CACHD1: variants seen among roughly 807,000 people sequenced by gnomAD.
The protein encoded by CACHD1 is cache domain containing 1.
Under a neutral mutation model 138.7 loss-of-function variants are expected in CACHD1, and 71 were observed. The ratio of observed to expected loss-of-function variants is 0.51; its 90% CI spans 0.42 to 0.62. The LOEUF (loss-of-function observed/expected upper bound fraction) is 0.62. Ranked by LOEUF, CACHD1 falls within the 20% of genes least tolerant of loss-of-function variation. The pLI is 0.00. For missense variants in CACHD1, 1,389 were observed against 1,625.3 expected, an observed-to-expected ratio of 0.85 and a Z score of 2.50; for synonymous variants, 578 against 591.5, an observed-to-expected ratio of 0.98 and a Z score of 0.33.
chr1:64,689,002 C>G (rs1650455452), intron 26 of CACHD1, among the ~76,000 whole-genome samples: 1 of 152,104 alleles, frequency 6.6e-6, no homozygotes, highest in Admixed American at 6.5e-5. Context: ...TGGGTGTTTC[C>G]CCTTCTTGCC....
At chr1:64,509,826 T>C (rs1646405627) in intron 1 of CACHD1, among the ~76,000 whole-genome samples, 1 of 152,204 alleles carries the variant, frequency 6.6e-6, no homozygotes, top group South Asian at 2.1e-4. Context: ...GCAGAGACAA[T>C]GATTCTCAAA....
chr1:64,605,429 A>G (rs1297500401), intron 4 of CACHD1, among the ~76,000 whole-genome samples: 2 of 152,228 alleles, frequency 1.3e-5, no homozygotes, highest in Non-Finnish European at 2.9e-5. Flanking sequence ...TCTTAAATTA[A>G]GCATTTGCTG....
intron 1 of CACHD1, among the ~76,000 whole-genome samples, chr1:64,516,811 C>A (rs1646462928): frequency 6.6e-6 from 1 of 152,208 alleles, no homozygotes. Flanking sequence ...AGACTTGTCT[C>A]TGAATTTGCT....
chr1:64,500,737 AGAG>A lies in CACHD1; in HGVS notation c.198+29796_198+29798del, dbSNP rs1646334279. The stretch of plus-strand genomic sequence containing the variant: ...TCTCTTAAAAAAAAAAAAAAAAAAG[AGAG>A]AGAGAGAGAGAGAGAGAGAGAGAGA... On this transcript the variant is annotated intron_variant, in intron 1 of 26. Transcript: ENST00000651257. Among the ~76,000 whole-genome samples the A allele has an allele frequency of 9.8e-4, 8 of 8,170 alleles. No individual in the cohort carries two copies. In the South Asian group the frequency reaches 0.018, roughly 18 times the overall value. 5.4% of individuals were successfully genotyped at this position (8,170 alleles called of 152,430 possible). A position where few individuals can be genotyped will look rare whatever the true frequency, so the allele number is the denominator to read the frequency against.
chr1:64,680,445 G>A (rs969063159), intron 24 of CACHD1, among the ~76,000 whole-genome samples: 2 of 151,696 alleles, frequency 1.3e-5, no homozygotes, highest in African/African-American at 4.8e-5. Flanking sequence ...CCAAGATCGC[G>A]CCATTGCATT....
At chr1:64,542,104 G>A (rs778930530) in intron 1 of CACHD1, among the ~76,000 whole-genome samples, 8 of 152,050 alleles carry the variant, frequency 5.3e-5, no homozygotes, top group East Asian at 1.9e-4. Context: ...TTTTTAGTGC[G>A]CTCTATATGA....
intron 5 of CACHD1, 149 bp downstream of exon 5, chr1:64,629,630 A>G (rs1648232133): frequency 9.9e-7 from 1 of 1,005,126 alleles, no homozygotes; most frequent in Middle Eastern, 3.2e-4. Flanking sequence ...ACCATTTAGT[A>G]TATGTGGATG....
chr1:64,522,719 GA>G (rs1362485478), intron 1 of CACHD1, among the ~76,000 whole-genome samples: 1 of 151,934 alleles, frequency 6.6e-6, no homozygotes, highest in African/African-American at 2.4e-5. Context: ...TTTTTCAAAA[GA>G]AACTTAAAAA....
intron 4 of CACHD1, among the ~76,000 whole-genome samples, chr1:64,611,255 G>A (rs1312896235): frequency 6.6e-6 from 1 of 152,194 alleles, no homozygotes; most frequent in African/African-American, 2.4e-5. Flanking sequence ...TCATTGTCTT[G>A]GCTGTTAACA....
chr1:64,488,873 G>T (rs937368389), intron 1 of CACHD1, among the ~76,000 whole-genome samples: 1 of 152,144 alleles, frequency 6.6e-6, no homozygotes, highest in African/African-American at 2.4e-5. Flanking sequence ...TACTAGCCAG[G>T]TACTCTGGTA....
intron 1 of CACHD1, among the ~76,000 whole-genome samples, chr1:64,495,730 T>C (rs914704117): frequency 2.0e-5 from 3 of 152,110 alleles, no homozygotes; most frequent in African/African-American, 7.2e-5. Flanking sequence ...TGAGTTGCTG[T>C]AATGAGTTTT....
Position 64,530,820 on chromosome 1 carries a change from G to T in CACHD1, c.199-19774G>T, listed in dbSNP as rs370098160. Among the ~76,000 whole-genome samples the T allele has an allele frequency of 2.0e-4, 30 of 150,732 alleles. 1 individual carries two copies. The East Asian group carries it at 4.7e-3, about 23-fold the overall frequency. On this transcript the variant is annotated intron_variant, in intron 1 of 26. Transcript: ENST00000651257. ...CAGGAGGTGGAGGTTGCAGTGAGCC[G>T]AGATGGCACCACTGCACTCCAGCCT...
intron 4 of CACHD1, among the ~76,000 whole-genome samples, chr1:64,608,599 T>A (rs767150924): frequency 1.7e-4 from 26 of 152,198 alleles, no homozygotes; most frequent in Non-Finnish European, 3.1e-4. Context: ...TGTGTATTCT[T>A]TTTCTTAAAA....
At chr1:64,603,358 C>T (rs1261735425) in intron 4 of CACHD1, among the ~76,000 whole-genome samples, 5 of 151,988 alleles carry the variant, frequency 3.3e-5, no homozygotes, top group Non-Finnish European at 7.4e-5. Flanking sequence ...CTGGCCTTGG[C>T]CTCCCAAAGT....
At chr1:64,548,892 A>T (rs369839864) in intron 1 of CACHD1, among the ~76,000 whole-genome samples, 1 of 152,224 alleles carries the variant, frequency 6.6e-6, no homozygotes, top group Non-Finnish European at 1.5e-5. Context: ...GTGTTAGCTC[A>T]TGACCGCAGC....
chr1:64,489,142 G>T (rs1646259778), intron 1 of CACHD1, among the ~76,000 whole-genome samples: 1 of 152,150 alleles, frequency 6.6e-6, no homozygotes, highest in Middle Eastern at 3.2e-3. Flanking sequence ...CTTATTTATG[G>T]CATTTTTAGA....
chr1:64,528,714 T>C (rs1295282660), intron 1 of CACHD1, among the ~76,000 whole-genome samples: 1 of 152,200 alleles, frequency 6.6e-6, no homozygotes, highest in Non-Finnish European at 1.5e-5. Flanking sequence ...AGTGGGTTAC[T>C]TTTATATACT....
chr1:64,603,059 T>C (rs543687746), intron 4 of CACHD1, 147 bp downstream of exon 4: 3 of 327,982 alleles, frequency 9.1e-6, no homozygotes, highest in East Asian at 2.5e-4. Flanking sequence ...AAGTTAACCC[T>C]CAAGAGAGGG....
At chr1:64,666,349 T>G (rs1273875313) in intron 16 of CACHD1, among the ~76,000 whole-genome samples, 182 bp downstream of exon 16, 1 of 152,142 alleles carries the variant, frequency 6.6e-6, no homozygotes, top group Non-Finnish European at 1.5e-5. Flanking sequence ...TCTCCTGCCG[T>G]CTATAAAATG....
Sources: allele counts gnomAD v4.1 joint callset (sites outside exome capture counted in the v4.1 genomes callset), GRCh38; gene constraint gnomAD v4.1.1; transcripts MANE v1.5; gene names NCBI Gene and HGNC (gene_info 2026-07-23, HGNC 2026-07-21).